PVT1: variants seen among roughly 807,000 people sequenced by gnomAD.
PVT1 encodes Pvt1 oncogene.
intron 3 of PVT1, among the ~76,000 whole-genome samples, chr8:127,953,252 CG>C (rs1816528727): frequency 6.6e-6 from 1 of 152,158 alleles, no homozygotes; most frequent in South Asian, 2.1e-4. Flanking sequence ...ATCTTGGCCC[CG>C]ATCTGCTGGG....
intron 4 of PVT1, among the ~76,000 whole-genome samples, chr8:128,005,404 G>A (rs796701884): frequency 5.3e-5 from 8 of 152,338 alleles, no homozygotes; most frequent in African/African-American, 1.7e-4. Flanking sequence ...ACTGAAGGAT[G>A]GAGACTGGGC....
chr8:127,845,084 G>A (rs926013778), intron 2 of PVT1, among the ~76,000 whole-genome samples: 1 of 152,172 alleles, frequency 6.6e-6, no homozygotes, highest in East Asian at 1.9e-4. Context: ...TATGTGTGGG[G>A]GGTGTTGGTT....
chr8:128,072,807 CTTTTA>C (rs776989683), intron 5 of PVT1, among the ~76,000 whole-genome samples: 8 of 151,978 alleles, frequency 5.3e-5, no homozygotes, highest in East Asian at 1.9e-4. Flanking sequence ...CACTTGAGCA[CTTTTA>C]TTTTATTTTA....
intron 2 of PVT1, among the ~76,000 whole-genome samples, chr8:127,813,164 A>G (rs1199074043): frequency 6.8e-6 from 1 of 147,456 alleles, no homozygotes; most frequent in Non-Finnish European, 1.5e-5. Flanking sequence ...ATATGTATAT[A>G]ATATATACAA....
intron 5 of PVT1, among the ~76,000 whole-genome samples, chr8:128,090,906 G>C (rs1484233941): frequency 6.6e-6 from 1 of 152,088 alleles, no homozygotes; most frequent in East Asian, 1.9e-4. Context: ...GGAGGTCGTG[G>C]GTGCAGCTTG....
intron 3 of PVT1, among the ~76,000 whole-genome samples, chr8:127,962,617 T>C (rs1816657797): frequency 6.6e-6 from 1 of 152,116 alleles, no homozygotes; most frequent in South Asian, 2.1e-4. Context: ...ATTTTATTTT[T>C]TTTTGTTGAC....
intron 4 of PVT1, among the ~76,000 whole-genome samples, chr8:128,017,953 C>T (rs572472355): frequency 1.3e-5 from 2 of 152,294 alleles, no homozygotes; most frequent in Non-Finnish European, 2.9e-5. Context: ...CCTCCTGCGC[C>T]CTGGGAGTTT....
intron 3 of PVT1, among the ~76,000 whole-genome samples, chr8:127,920,820 G>A (rs923107634): frequency 6.6e-6 from 1 of 152,122 alleles, no homozygotes; most frequent in Non-Finnish European, 1.5e-5. Context: ...TAAAACCATA[G>A]TTTGTATTCC....
rs185421634 is a variant in PVT1 at position 128,003,866 on chromosome 8, T to C, written n.912+14575T>C. Reference sequence around the variant, plus strand: ...TTTGGGCTGCTATAACAAAATATCATAGAATAAAGGGCTTAGTTTATTTTC... The same window carrying C: ...TTTGGGCTGCTATAACAAAATATCACAGAATAAAGGGCTTAGTTTATTTTC... On this transcript the variant is annotated intron_variant and non_coding_transcript_variant, in intron 4 of 10. Coordinates refer to ENST00000651587, the Ensembl canonical transcript of PVT1. Among the ~76,000 whole-genome samples the C allele has an allele frequency of 1.8e-3, 269 of 152,352 alleles. 2 individuals are homozygous for C. The highest frequency in any genetic ancestry group is 6.2e-3 in the African/African-American group (259 of 41,586).
intron 3 of PVT1, among the ~76,000 whole-genome samples, chr8:127,981,640 T>A (rs942910870): frequency 2.0e-5 from 3 of 152,188 alleles, no homozygotes; most frequent in Admixed American, 2.0e-4. Flanking sequence ...GAAAGTTGAA[T>A]GTAAGTGTAG....
chr8:127,987,865 G>A (rs1816987046), intron 3 of PVT1, among the ~76,000 whole-genome samples: 1 of 152,228 alleles, frequency 6.6e-6, no homozygotes, highest in Non-Finnish European at 1.5e-5. Flanking sequence ...GCTCACTGGG[G>A]AGCCCAGAGG....
chr8:127,977,002 T>C (rs1214476584), intron 3 of PVT1, among the ~76,000 whole-genome samples: 1 of 152,160 alleles, frequency 6.6e-6, no homozygotes, highest in Non-Finnish European at 1.5e-5. Flanking sequence ...CGATGTGTAG[T>C]AATAGGCTAA....
At chr8:127,997,305 T>C (rs1408364011) in intron 4 of PVT1, among the ~76,000 whole-genome samples, 1 of 151,968 alleles carries the variant, frequency 6.6e-6, no homozygotes, top group African/African-American at 2.4e-5. Flanking sequence ...CCTCCCAAAG[T>C]GCTGGGATTA....
At chr8:127,820,890 G>A (rs1814720660) in intron 2 of PVT1, among the ~76,000 whole-genome samples, 1 of 152,002 alleles carries the variant, frequency 6.6e-6, no homozygotes, top group African/African-American at 2.4e-5. Flanking sequence ...TGTATTTTTA[G>A]TAGAGTTGGG....
intron 4 of PVT1, among the ~76,000 whole-genome samples, chr8:127,993,821 T>G (rs923888028): frequency 6.6e-6 from 1 of 152,194 alleles, no homozygotes; most frequent in African/African-American, 2.4e-5. Flanking sequence ...CCTTTCTCCT[T>G]TCTTGTATTG....
rs186030995 is a variant in PVT1, at chr8:127,971,836, C to T, written n.783-17326C>T. 5.4e-3 allele frequency among the ~76,000 whole-genome samples: 817 copies of T among 152,128 alleles called. 1 individual carries two copies. Among genetic ancestry groups the T allele is most frequent in the Middle Eastern group, 0.014 (4 of 294 alleles). ...CGGGACAGAAACGGGCTGTTATTAT[C>T]GAGGCTTCAGGCTGTTTACTGAGGA... On this transcript the variant is annotated intron_variant and non_coding_transcript_variant, in intron 3 of 10. Coordinates refer to ENST00000651587, the Ensembl canonical transcript of PVT1.
intron 3 of PVT1, among the ~76,000 whole-genome samples, chr8:127,982,371 T>C (rs936203230): frequency 3.3e-5 from 5 of 152,186 alleles, no homozygotes; most frequent in African/African-American, 1.2e-4. Context: ...CTCTTCACCC[T>C]CTGAAAACAA....
rs1375025722 is a variant in PVT1 at position 127,898,346 on chromosome 8, GAA to G, written n.782+7350_782+7351del. ...ATGTAAAGAAAGAAAAGAAAGGAAAGAAAGATTCATTACTATCCTTTGGACCT... is the reference window on the plus strand; with the variant it reads ...ATGTAAAGAAAGAAAAGAAAGGAAAGAGATTCATTACTATCCTTTGGACCT... On this transcript the variant is annotated intron_variant and non_coding_transcript_variant, in intron 3 of 10. Transcript: ENST00000651587. This position sits in a 1 kb window ranked among gnomAD's most constrained non-coding sequence, Gnocchi z 4.4. Among the ~76,000 whole-genome samples, 2 of 152,160 alleles carry G rather than the reference GAA, an allele frequency of 1.3e-5. No homozygotes were observed. The highest frequency in any genetic ancestry group is 4.8e-5 in the African/African-American group (2 of 41,450).
chr8:128,006,106 T>G lies in PVT1; in HGVS notation n.912+16815T>G, dbSNP rs547968219. On this transcript the variant is annotated intron_variant and non_coding_transcript_variant, in intron 4 of 10. Transcript: ENST00000651587. ...TGACAGAGTGAGACCTTGTCTCAAA[T>G]AATAATAATAATAATAATAATAATA... 4.1e-3 allele frequency among the ~76,000 whole-genome samples: 197 copies of G among 47,914 alleles called. 1 individual carries two copies. Among genetic ancestry groups the G allele is most frequent in the African/African-American group, 0.014 (189 of 13,982 alleles). 31.4% of individuals were successfully genotyped at this position (47,914 alleles called of 152,430 possible). A position where few individuals can be genotyped will look rare whatever the true frequency, so the allele number is the denominator to read the frequency against.
Sources: allele counts gnomAD v4.1 joint callset (sites outside exome capture counted in the v4.1 genomes callset), GRCh38; gene constraint gnomAD v4.1.1; non-coding constraint Gnocchi (gnomAD v3.1); transcripts MANE v1.5; gene names NCBI Gene and HGNC (gene_info 2026-07-23, HGNC 2026-07-21).